NAALADL2: variants seen among roughly 807,000 people sequenced by gnomAD.
NAALADL2 encodes N-acetylated alpha-linked acidic dipeptidase like 2.
Under a neutral mutation model 87.2 loss-of-function variants are expected in NAALADL2, and 76 were observed. The observed-to-expected ratio is 0.87, with a 90% CI of 0.72 to 1.05. The LOEUF is 1.05. Ranked by LOEUF, NAALADL2 falls within the 50% of genes least tolerant of loss-of-function variation. The probability of loss-of-function intolerance (pLI) is 0.00; values close to 1 mark genes in which losing one functional copy is unlikely to be tolerated. For synonymous variants in NAALADL2, 354 were observed against 331.0 expected (o/e 1.07, Z -0.75); for missense variants, 1,089 against 945.8 (o/e 1.15, Z -1.99).
rs561353870 is a variant in NAALADL2, at chr3:175,605,940, A to G, written c.1801-21351A>G. ...AGCTCAGTATCCTTTGGTGGAAAAC[A>G]GCAACCCAAAGGAAAATATTTGTCA... On this transcript the variant is annotated intron_variant, in intron 10 of 13. Coordinates refer to ENST00000454872, the MANE Select transcript of NAALADL2 (RefSeq NM_207015.3). Among the ~76,000 whole-genome samples, 157 of 152,256 alleles carry G rather than the reference A, an allele frequency of 1.0e-3. 3 individuals carry two copies. Among genetic ancestry groups the G allele is most frequent in the African/African-American group, 3.7e-3 (153 of 41,562 alleles).
intron 2 of NAALADL2, among the ~76,000 whole-genome samples, chr3:174,644,082 G>A (rs949694403): frequency 2.0e-5 from 3 of 152,134 alleles, no homozygotes; most frequent in African/African-American, 7.2e-5. Flanking sequence ...AATAAGATTA[G>A]CCTTTTAGGA....
intron 1 of NAALADL2, among the ~76,000 whole-genome samples, chr3:174,468,378 C>A (rs1259710562): frequency 7.7e-6 from 1 of 130,352 alleles, no homozygotes; most frequent in Non-Finnish European, 1.6e-5. Context: ...TTCTTTCTTT[C>A]TTTTTCTTTT....
intron 1 of NAALADL2, among the ~76,000 whole-genome samples, chr3:174,977,155 A>C (rs541537053): frequency 7.9e-5 from 12 of 152,368 alleles, no homozygotes; most frequent in African/African-American, 2.4e-4. Flanking sequence ...CAAGTACTAC[A>C]TGACCTCCCA....
chr3:174,524,547 A>T (rs1010486170), intron 1 of NAALADL2, among the ~76,000 whole-genome samples: 1 of 151,932 alleles, frequency 6.6e-6, no homozygotes, highest in Non-Finnish European at 1.5e-5. Flanking sequence ...GGTCCCATAA[A>T]ATATATTGTT....
chr3:175,689,224 A>T (rs1245816446), intron 11 of NAALADL2, among the ~76,000 whole-genome samples: 2 of 152,194 alleles, frequency 1.3e-5, no homozygotes, highest in African/African-American at 2.4e-5. Flanking sequence ...TGTAAAGGAG[A>T]TCATTGTAGA....
At chr3:174,727,989 T>C (rs1241099031) in intron 2 of NAALADL2, among the ~76,000 whole-genome samples, 3 of 152,136 alleles carry the variant, frequency 2.0e-5, no homozygotes, top group African/African-American at 4.8e-5. Flanking sequence ...CTTTTCAGAT[T>C]GGCTTCTTTC....
intron 11 of NAALADL2, among the ~76,000 whole-genome samples, chr3:175,688,843 T>C (rs1388481353): frequency 6.6e-6 from 1 of 152,178 alleles, no homozygotes; most frequent in East Asian, 1.9e-4. Flanking sequence ...GGGAGGCACC[T>C]GGGCTGACAA....
At chr3:174,579,197 C>A (rs1578215808) in intron 2 of NAALADL2, among the ~76,000 whole-genome samples, 2 of 152,064 alleles carry the variant, frequency 1.3e-5, no homozygotes, top group Middle Eastern at 6.8e-3. Context: ...AATGGCCTAG[C>A]AATTGCTAAG....
intron 2 of NAALADL2, among the ~76,000 whole-genome samples, chr3:174,583,846 C>T (rs1186699923): frequency 4.6e-5 from 7 of 152,038 alleles, no homozygotes; most frequent in African/African-American, 1.7e-4. Flanking sequence ...AATAATTTTC[C>T]ATATGTTTTA....
At chr3:174,993,797 T>C (rs1042693850) in intron 1 of NAALADL2, among the ~76,000 whole-genome samples, 1 of 152,178 alleles carries the variant, frequency 6.6e-6, no homozygotes, top group Non-Finnish European at 1.5e-5. Flanking sequence ...TCCTTCAGGA[T>C]AGAAGTGTGA....
At chr3:175,652,196 G>A (rs1342509308) in intron 11 of NAALADL2, among the ~76,000 whole-genome samples, 1 of 152,130 alleles carries the variant, frequency 6.6e-6, no homozygotes, top group Non-Finnish European at 1.5e-5. Flanking sequence ...ACTCTCGTAA[G>A]CAATAAAGCA....
At chr3:175,303,847 T>G (rs755182730) in intron 4 of NAALADL2, among the ~76,000 whole-genome samples, 1 of 152,176 alleles carries the variant, frequency 6.6e-6, no homozygotes, top group African/African-American at 2.4e-5. Context: ...ATTTACCAAT[T>G]GCCTTACATT....
intron 2 of NAALADL2, among the ~76,000 whole-genome samples, chr3:175,145,305 G>T (rs1056941417): frequency 6.6e-6 from 1 of 151,950 alleles, no homozygotes; most frequent in Non-Finnish European, 1.5e-5. Context: ...TTTTAATTTT[G>T]TAAGTTGCTC....
chr3:175,415,129 G>A (rs367930871), intron 5 of NAALADL2, among the ~76,000 whole-genome samples: 36 of 152,168 alleles, frequency 2.4e-4, no homozygotes, highest in South Asian at 1.2e-3. Flanking sequence ...AGTTCTAATA[G>A]TAAAATAAAA....
intron 5 of NAALADL2, among the ~76,000 whole-genome samples, chr3:175,338,400 G>A (rs1018135041): frequency 2.0e-5 from 3 of 151,390 alleles, no homozygotes; most frequent in South Asian, 2.1e-4. Context: ...GCTGCAGGGC[G>A]GTATAAAAAG....
chr3:175,004,220 G>A (rs968516784), intron 1 of NAALADL2, among the ~76,000 whole-genome samples: 1 of 151,750 alleles, frequency 6.6e-6, no homozygotes, highest in African/African-American at 2.4e-5. Context: ...TTAAAAATAA[G>A]TAAGTAAGTA....
intron 2 of NAALADL2, among the ~76,000 whole-genome samples, chr3:174,672,430 A>G (rs1726643143): frequency 1.3e-5 from 2 of 150,242 alleles, no homozygotes; most frequent in African/African-American, 2.4e-5. Flanking sequence ...GCTCTATTCT[A>G]TCATATGGAA....
intron 1 of NAALADL2, among the ~76,000 whole-genome samples, chr3:175,015,595 A>G (rs2108836352): frequency 6.6e-6 from 1 of 152,244 alleles, no homozygotes; most frequent in Admixed American, 6.6e-5. Context: ...TGTCTTACTG[A>G]AATGATATTA....
At chr3:174,515,949 A>G (rs907676630) in intron 1 of NAALADL2, among the ~76,000 whole-genome samples, 1 of 152,130 alleles carries the variant, frequency 6.6e-6, no homozygotes, top group Admixed American at 6.5e-5. Context: ...TTAGGAGGAA[A>G]GAGCAAAAGC....
Sources: gnomAD v4.1 joint callset for allele counts (sites outside exome capture counted in the v4.1 genomes callset) on GRCh38, gnomAD v4.1.1 for gene constraint, MANE v1.5 for transcripts, NCBI Gene and HGNC (gene_info 2026-07-23, HGNC 2026-07-21) for gene names.